Variants in SPMIP2 observed in about 807,000 individuals in gnomAD.
SPMIP2 encodes protein SPMIP2.
chr4:159,026,419 G>GA, the SPMIP2 span: 3 of 991,346 alleles, frequency 3.0e-6, no homozygotes, highest in Non-Finnish European at 4.7e-6. Flanking sequence ...TCAGGAGTGG[G>GA]ATGGGAAGAA....
chr4:158,943,604 T>C, the SPMIP2 span, among the ~76,000 whole-genome samples: 5 of 152,150 alleles, frequency 3.3e-5, no homozygotes, highest in African/African-American at 1.2e-4. Context: ...GAAGACTCCA[T>C]GGAGAACAAG....
At chr4:159,007,281 G>T in the SPMIP2 span, 28 of 1,111,710 alleles carry the variant, frequency 2.5e-5, no homozygotes, top group South Asian at 3.7e-5. Context: ...CCTCAATGTG[G>T]CTGACCTGAC....
At chr4:158,954,994 A>G in the SPMIP2 span, among the ~76,000 whole-genome samples, 1 of 152,204 alleles carries the variant, frequency 6.6e-6, no homozygotes, top group Non-Finnish European at 1.5e-5. Context: ...GTAGGTATAC[A>G]TAAGGAAACA....
chr4:158,921,062 C>G, the SPMIP2 span, among the ~76,000 whole-genome samples: 1 of 152,140 alleles, frequency 6.6e-6, no homozygotes, highest in Admixed American at 6.5e-5. Context: ...ATAGAAAGAA[C>G]CTACGTTGAA....
chr4:158,952,941 G>T, the SPMIP2 span, among the ~76,000 whole-genome samples: 1 of 152,104 alleles, frequency 6.6e-6, no homozygotes, highest in Admixed American at 6.6e-5. Context: ...AGCATCTTGG[G>T]TGAAATTTAG....
At chr4:159,043,483 G>A in the SPMIP2 span, among the ~76,000 whole-genome samples, 1 of 152,126 alleles carries the variant, frequency 6.6e-6, no homozygotes, top group African/African-American at 2.4e-5. Flanking sequence ...GAGTAGCTGG[G>A]ACTACCAGCA....
chr4:158,911,384 A>AAATAAATAAATAAATAAAAT, the SPMIP2 span, among the ~76,000 whole-genome samples: 2 of 79,210 alleles, frequency 2.5e-5, no homozygotes, highest in Admixed American at 1.1e-4. Flanking sequence ...ATAAATAAAT[A>AAATAAATAAATAAATAAAAT]AAATAAATAA....
At chr4:158,981,980 C>T in the SPMIP2 span, among the ~76,000 whole-genome samples, 2,756 of 152,028 alleles carry the variant, frequency 0.018, 83 homozygotes, top group African/African-American at 0.063. Flanking sequence ...TTCAGGAGAC[C>T]CACCACATGT....
the SPMIP2 span, among the ~76,000 whole-genome samples, chr4:158,895,439 TTA>T: frequency 6.6e-6 from 1 of 152,244 alleles, no homozygotes; most frequent in African/African-American, 2.4e-5. Context: ...GAAAGGATTA[TTA>T]TAAAGTTTTT....
the SPMIP2 span, among the ~76,000 whole-genome samples, chr4:159,053,177 C>G: frequency 1.3e-5 from 2 of 150,572 alleles, no homozygotes; most frequent in African/African-American, 2.4e-5. Flanking sequence ...GGGATGGTCT[C>G]GATCTCCTGA....
At chr4:159,035,499 A>G in the SPMIP2 span, among the ~76,000 whole-genome samples, 1 of 152,214 alleles carries the variant, frequency 6.6e-6, no homozygotes, top group Non-Finnish European at 1.5e-5. Context: ...ACAGCAAAAA[A>G]CAAAAAGCCC....
chr4:158,915,052 A>T, the SPMIP2 span: 1 of 847,724 alleles, frequency 1.2e-6, no homozygotes, highest in Non-Finnish European at 1.8e-6. Flanking sequence ...ATGCTTCGAT[A>T]GGTTAAAAGA....
At chr4:158,937,662 T>A in the SPMIP2 span, 1 of 154,330 alleles carries the variant, frequency 6.5e-6, no homozygotes, top group Non-Finnish European at 1.5e-5. Flanking sequence ...TCTTTAGACA[T>A]TGTCTTGGGC....
the SPMIP2 span, among the ~76,000 whole-genome samples, chr4:158,986,700 C>T: frequency 2.0e-5 from 3 of 152,144 alleles, no homozygotes; most frequent in Non-Finnish European, 2.9e-5. Flanking sequence ...CTAGGCATTA[C>T]CATTCAGGAC....
At chr4:158,929,102 C>T in the SPMIP2 span, among the ~76,000 whole-genome samples, 1 of 152,238 alleles carries the variant, frequency 6.6e-6, no homozygotes, top group Non-Finnish European at 1.5e-5. Context: ...GCAGCCTCAA[C>T]TTCCTGGGCT....
the SPMIP2 span, among the ~76,000 whole-genome samples, chr4:158,966,352 T>C: frequency 1.3e-5 from 2 of 152,228 alleles, no homozygotes; most frequent in Non-Finnish European, 1.5e-5. Context: ...TTTACAATGA[T>C]TTAAGAATTT....
the SPMIP2 span, among the ~76,000 whole-genome samples, chr4:159,017,760 A>C: frequency 2.6e-3 from 397 of 152,334 alleles, 1 homozygote; most frequent in African/African-American, 8.9e-3. Context: ...CACCAACACC[A>C]GTGCAGGAAA....
chr4:158,999,769 A>C, the SPMIP2 span, among the ~76,000 whole-genome samples: 3 of 152,234 alleles, frequency 2.0e-5, no homozygotes, highest in African/African-American at 7.2e-5. Context: ...TAAACAGGTG[A>C]AATATTAGGT....
chr4:158,964,095 C>T, the SPMIP2 span, among the ~76,000 whole-genome samples: 1 of 151,508 alleles, frequency 6.6e-6, no homozygotes, highest in Non-Finnish European at 1.5e-5. Context: ...GCGGAGCTTG[C>T]AGTGAGCCGA....
Sources: allele counts gnomAD v4.1 joint callset (sites outside exome capture counted in the v4.1 genomes callset), GRCh38; gene constraint gnomAD v4.1.1; transcripts MANE v1.5; gene names NCBI Gene and HGNC (gene_info 2026-07-23, HGNC 2026-07-21).